SNX29: variants seen among roughly 807,000 people sequenced by gnomAD.
SNX29 encodes sorting nexin-29.
Under a neutral mutation model 102.1 loss-of-function variants are expected in SNX29, and 78 were observed. That is an observed-to-expected ratio of 0.76 (90% CI 0.64 to 0.92). The LOEUF (loss-of-function observed/expected upper bound fraction) is 0.92, where lower values mean the gene tolerates loss of function less well. SNX29 is among the 40% of genes least tolerant of loss of function. SNX29 has a pLI of 0.00. For missense variants in SNX29, 1,280 were observed against 1,061.7 expected (o/e 1.21, Z -2.86); for synonymous variants, 580 against 414.5 (o/e 1.40, Z -4.85).
intron 17 of SNX29, among the ~76,000 whole-genome samples, chr16:12,402,201 AG>A (rs2083972888): frequency 6.6e-6 from 1 of 152,204 alleles, no homozygotes; most frequent in South Asian, 2.1e-4. Context: ...CCCTCAAAGG[AG>A]GTCAGCTCCT....
intron 18 of SNX29, among the ~76,000 whole-genome samples, chr16:12,470,744 T>C (rs2087298683): frequency 6.6e-6 from 1 of 152,268 alleles, no homozygotes; most frequent in Non-Finnish European, 1.5e-5. Flanking sequence ...GGTAATTACC[T>C]GCTTTAATTT....
chr16:12,240,286 C>A (rs1361939571), intron 14 of SNX29, among the ~76,000 whole-genome samples: 1 of 152,208 alleles, frequency 6.6e-6, no homozygotes, highest in Non-Finnish European at 1.5e-5. Context: ...TGTCAACATG[C>A]TTCCCAGAAA....
intron 1 of SNX29, among the ~76,000 whole-genome samples, chr16:11,988,823 A>C (rs2055733059): frequency 6.6e-6 from 1 of 152,216 alleles, no homozygotes; most frequent in African/African-American, 2.4e-5. Flanking sequence ...TATTGGAACA[A>C]AGCCATTTCT....
chr16:12,004,319 C>T (rs1010848637), intron 3 of SNX29, among the ~76,000 whole-genome samples: 4 of 149,318 alleles, frequency 2.7e-5, no homozygotes, highest in Non-Finnish European at 4.4e-5. Flanking sequence ...CTAGCCTGGG[C>T]GACAGAGCAA....
chr16:12,448,900 G>A (rs977870593), intron 18 of SNX29, among the ~76,000 whole-genome samples: 2 of 152,064 alleles, frequency 1.3e-5, no homozygotes, highest in African/African-American at 4.8e-5. Context: ...TTTGGTTTTC[G>A]CATTCACTAG....
intron 20 of SNX29, among the ~76,000 whole-genome samples, chr16:12,563,693 C>T (rs538069410): frequency 2.6e-5 from 4 of 152,292 alleles, no homozygotes; most frequent in Non-Finnish European, 5.9e-5. Flanking sequence ...GGTCTGGCCT[C>T]ATGTAAGAGG....
intron 15 of SNX29, among the ~76,000 whole-genome samples, chr16:12,294,668 G>C (rs1215600206): frequency 6.6e-6 from 1 of 152,070 alleles, no homozygotes; most frequent in Non-Finnish European, 1.5e-5. Flanking sequence ...GTAGGTTCAG[G>C]TCCTTTCAGT....
chr16:12,568,779 A>G lies in SNX29; in HGVS notation c.*150A>G. The G allele has an allele frequency of 1.6e-6, 2 of 1,225,164 alleles. No homozygotes were observed. Among genetic ancestry groups the G allele is most frequent in the South Asian group, 1.5e-5 (1 of 64,822 alleles). The allele number at this position is 1,225,164 out of a possible 1,614,324, so 75.9% of individuals were successfully genotyped here. ...TTCCCAACAGTTACACAACACCCCG[A>G]TTAAACTAATCAGTCTTCGAGCCGC... On this transcript the variant is annotated 3_prime_UTR_variant, in exon 21 of 21. Transcript: ENST00000566228.
intron 2 of SNX29, chr16:12,000,511 G>A (rs1000919642): frequency 4.6e-5 from 7 of 151,190 alleles, no homozygotes; most frequent in African/African-American, 1.7e-4. Context: ...TTTTAATAGG[G>A]GTGTGTGTTA....
intron 2 of SNX29, among the ~76,000 whole-genome samples, chr16:12,000,127 A>G (rs1226011298): frequency 1.3e-5 from 2 of 152,000 alleles, no homozygotes; most frequent in Non-Finnish European, 2.9e-5. Context: ...GATTGATGTG[A>G]TGCTGTTTGT....
chr16:12,285,476 G>A (rs540541895), intron 15 of SNX29, among the ~76,000 whole-genome samples: 1 of 152,298 alleles, frequency 6.6e-6, no homozygotes, highest in East Asian at 1.9e-4. Flanking sequence ...TGGTGTATTA[G>A]CAACATTTGT....
In SNX29 at chr16:12,569,649, T is replaced by G; in HGVS notation, c.*1020T>G. 2 of 229,258 alleles carry G rather than the reference T, an allele frequency of 8.7e-6. No homozygotes were observed. Among genetic ancestry groups the G allele is most frequent in the Non-Finnish European group, 1.7e-5 (2 of 115,558 alleles). The allele number at this position is 229,258 out of a possible 1,614,324, so 14.2% of individuals were successfully genotyped here. A position where few individuals can be genotyped will look rare whatever the true frequency, so the allele number is the denominator to read the frequency against. Reference sequence around the variant, plus strand: ...CTGCATCCCCTAAGACAGAGTCCTCTGTTCCTCCCATGTCAGGTGGCTCTC... The same window carrying G: ...CTGCATCCCCTAAGACAGAGTCCTCGGTTCCTCCCATGTCAGGTGGCTCTC... On this transcript the variant is annotated 3_prime_UTR_variant, in exon 21 of 21. Coordinates refer to ENST00000566228, the MANE Select transcript of SNX29 (RefSeq NM_032167.5).
chr16:12,186,058 T>C (rs968520402), intron 13 of SNX29, among the ~76,000 whole-genome samples: 3 of 152,204 alleles, frequency 2.0e-5, no homozygotes, highest in Admixed American at 1.3e-4. Context: ...AGATACTGTT[T>C]ATTATTTAAT....
chr16:12,014,147 C>G (rs1259331312), intron 3 of SNX29, among the ~76,000 whole-genome samples: 1 of 152,054 alleles, frequency 6.6e-6, no homozygotes, highest in East Asian at 1.9e-4. Flanking sequence ...TTTGTTCTCT[C>G]AGGCTGTGGA....
chr16:12,141,597 G>C (rs1381835611), intron 13 of SNX29, among the ~76,000 whole-genome samples: 1 of 152,196 alleles, frequency 6.6e-6, no homozygotes, highest in African/African-American at 2.4e-5. Flanking sequence ...TTCCAGGCTC[G>C]GGGCAGGATT....
intron 11 of SNX29, among the ~76,000 whole-genome samples, chr16:12,117,284 G>T (rs537121415): frequency 6.8e-6 from 1 of 146,668 alleles, no homozygotes; most frequent in Admixed American, 6.8e-5. Context: ...GTGCTTCAAC[G>T]CGGACGAACC....
At chr16:12,549,206 C>T (rs1018828627) in intron 20 of SNX29, among the ~76,000 whole-genome samples, 5 of 152,166 alleles carry the variant, frequency 3.3e-5, no homozygotes, top group African/African-American at 4.8e-5. Context: ...CCTCACGATG[C>T]TTGTGTCTGC....
chr16:12,312,745 T>C (rs1567426662), intron 15 of SNX29, among the ~76,000 whole-genome samples: 1 of 151,986 alleles, frequency 6.6e-6, no homozygotes, highest in Non-Finnish European at 1.5e-5. Context: ...GCCAAATAAC[T>C]TCCATGGTAA....
chr16:12,188,408 A>G (rs571286111), intron 13 of SNX29, among the ~76,000 whole-genome samples: 12 of 152,270 alleles, frequency 7.9e-5, no homozygotes, highest in African/African-American at 2.6e-4. Flanking sequence ...TAATGGCACA[A>G]AGTGCTGAAA....
Sources: allele counts gnomAD v4.1 joint callset (sites outside exome capture counted in the v4.1 genomes callset), GRCh38; gene constraint gnomAD v4.1.1; transcripts MANE v1.5; gene names NCBI Gene and HGNC (gene_info 2026-07-23, HGNC 2026-07-21).